PTGER4: variants seen among roughly 807,000 people sequenced by gnomAD.
PTGER4 encodes the protein prostaglandin E2 receptor EP4 subtype.
PTGER4 carries 11 observed loss-of-function variants against 33.2 expected under a neutral mutation model. That is an observed-to-expected ratio of 0.33 (90% confidence interval 0.21 to 0.55). PTGER4 has a LOEUF of 0.55. Among genes scored for constraint, PTGER4 ranks in the 20% least tolerant of loss-of-function variants. The pLI is 0.92. For missense variants in PTGER4, 481 were observed against 650.2 expected (o/e 0.74, Z 2.83); for synonymous variants, 275 against 281.5 (o/e 0.98, Z 0.23).
At chr5:40,710,917 G>A in the PTGER4 span, among the ~76,000 whole-genome samples, 1 of 152,038 alleles carries the variant, frequency 6.6e-6, no homozygotes, top group African/African-American at 2.4e-5. Flanking sequence ...TCACACACTG[G>A]GGCCTGTTGT....
chr5:40,745,150 A>G, the PTGER4 span, among the ~76,000 whole-genome samples: 5 of 152,234 alleles, frequency 3.3e-5, no homozygotes, highest in African/African-American at 1.2e-4. Context: ...CACTAAAGAG[A>G]CATAATAACC....
At chr5:40,687,138 C>G (rs764024563) in intron 2 of PTGER4, among the ~76,000 whole-genome samples, 1 of 152,102 alleles carries the variant, frequency 6.6e-6, no homozygotes, top group Non-Finnish European at 1.5e-5. Context: ...CTCCACCTCC[C>G]GGGTTCAAGT....
Position 40,692,292 on chromosome 5 carries a change from G to T in PTGER4, c.1381G>T (p.Gly461Cys). The T allele has an allele frequency of 5.6e-6, 9 of 1,613,606 alleles. No individual in the cohort carries two copies. The highest frequency in any genetic ancestry group is 7.6e-6 in the Non-Finnish European group (9 of 1,179,872). The part of the protein sequence containing the change: ...VLLVDEAGGS[G>C]RAGPAPKGSS... ...ACTGGTGGATGAGGCTGGTGGGAGC[G>T]GCAGGGCTGGGCCTGCCCCTAAGGG... Residue 461 changes from glycine to cysteine, a missense_variant, in exon 3 of 3, where the codon GGC becomes TGC. Gly to Cys is a radical substitution (Grantham distance 159). Coordinates refer to ENST00000302472, the MANE Select transcript of PTGER4 (RefSeq NM_000958.3).
the PTGER4 span, chr5:40,714,493 AT>A: frequency 6.6e-6 from 1 of 152,258 alleles, no homozygotes; most frequent in African/African-American, 2.4e-5. Flanking sequence ...AAAACTATTT[AT>A]TCACAAATTA....
In PTGER4 at chr5:40,679,952, G is replaced by C. The variant is rs1280175455; in HGVS notation, c.-570G>C. The C allele has an allele frequency of 1.3e-5, 2 of 152,644 alleles. No homozygotes were observed. Among genetic ancestry groups the C allele is most frequent in the Non-Finnish European group, 2.9e-5 (2 of 68,328 alleles). 9.5% of individuals were successfully genotyped at this position (152,644 alleles called of 1,614,324 possible). A position where few individuals can be genotyped will look rare whatever the true frequency, so the allele number is the denominator to read the frequency against. ...AAGGCGAGAGCGGAGCTCCAAGCCC[G>C]GCAGCCCGAGAGGAAGATGAACAGC... On this transcript the variant is annotated 5_prime_UTR_variant, in exon 1 of 3. Transcript: ENST00000302472.
the PTGER4 span, among the ~76,000 whole-genome samples, chr5:40,742,096 AAC>A: frequency 6.6e-6 from 1 of 152,126 alleles, no homozygotes; most frequent in African/African-American, 2.4e-5. Context: ...AATGGTTGAA[AAC>A]AGTTTTTTTT....
the PTGER4 span, among the ~76,000 whole-genome samples, chr5:40,699,780 C>T: frequency 6.6e-6 from 1 of 152,050 alleles, no homozygotes; most frequent in East Asian, 1.9e-4. Flanking sequence ...TAACAAAATT[C>T]AACACCCATT....
chr5:40,715,284 G>A, the PTGER4 span: 3 of 152,028 alleles, frequency 2.0e-5, no homozygotes, highest in Non-Finnish European at 2.9e-5. Context: ...TTGTTTCCAG[G>A]GTTTTTAAAG....
At chr5:40,705,369 A>G in the PTGER4 span, among the ~76,000 whole-genome samples, 7 of 152,170 alleles carry the variant, frequency 4.6e-5, no homozygotes, top group East Asian at 9.6e-4. Flanking sequence ...AACTATAAAT[A>G]CCCTGGAAGA....
intron 2 of PTGER4, among the ~76,000 whole-genome samples, chr5:40,688,157 C>T (rs955875586): frequency 6.6e-6 from 1 of 152,122 alleles, no homozygotes; most frequent in African/African-American, 2.4e-5. Context: ...GCCATGTTTC[C>T]TTTGAGGTTG....
the PTGER4 span, among the ~76,000 whole-genome samples, chr5:40,709,833 G>A: frequency 1.3e-5 from 2 of 152,242 alleles, no homozygotes; most frequent in Non-Finnish European, 2.9e-5. Flanking sequence ...TACCAAAACA[G>A]AGATACAGAC....
downstream of PTGER4, among the ~76,000 whole-genome samples, chr5:40,694,186 G>C (rs776360394): frequency 7.9e-5 from 12 of 152,112 alleles, no homozygotes; most frequent in Non-Finnish European, 1.5e-4. Flanking sequence ...GACTAGCTGA[G>C]ATTACAGGCG....
At chr5:40,733,767 C>T in the PTGER4 span, among the ~76,000 whole-genome samples, 1 of 152,142 alleles carries the variant, frequency 6.6e-6, no homozygotes, top group East Asian at 1.9e-4. Context: ...GTCCCCAACC[C>T]CACAAAGCTG....
chr5:40,682,152 G>A (rs1247523767), intron 2 of PTGER4, among the ~76,000 whole-genome samples: 3 of 150,542 alleles, frequency 2.0e-5, no homozygotes, highest in Admixed American at 6.7e-5. Context: ...GACACTGGCC[G>A]AGTCTTCCAA....
chr5:40,724,933 A>G, the PTGER4 span, among the ~76,000 whole-genome samples: 1 of 150,410 alleles, frequency 6.6e-6, no homozygotes, highest in Non-Finnish European at 1.5e-5. Flanking sequence ...GCTCACTGCA[A>G]CCTCCACCTG....
chr5:40,689,454 T>G (rs1741414419), intron 2 of PTGER4, among the ~76,000 whole-genome samples: 1 of 152,212 alleles, frequency 6.6e-6, no homozygotes, highest in African/African-American at 2.4e-5. Context: ...CAAAGAATCT[T>G]TAAAGGAAGA....
intron 2 of PTGER4, chr5:40,685,382 T>G: frequency 2.0e-6 from 2 of 985,344 alleles, no homozygotes; most frequent in Non-Finnish European, 2.4e-6. Flanking sequence ...TATGCTTTTG[T>G]TTACTGTAGG....
At chr5:40,726,391 G>C in the PTGER4 span, among the ~76,000 whole-genome samples, 1 of 151,392 alleles carries the variant, frequency 6.6e-6, no homozygotes, top group Non-Finnish European at 1.5e-5. Context: ...AGAATTGTTA[G>C]ATATTAGAAA....
At chr5:40,720,448 T>G in the PTGER4 span, among the ~76,000 whole-genome samples, 1 of 152,368 alleles carries the variant, frequency 6.6e-6, no homozygotes, top group African/African-American at 2.4e-5. Flanking sequence ...TGATTACTAA[T>G]GCTTTCATAT....
Sources: allele counts gnomAD v4.1 joint callset (sites outside exome capture counted in the v4.1 genomes callset), GRCh38; gene constraint gnomAD v4.1.1; transcripts MANE v1.5; gene names NCBI Gene and HGNC (gene_info 2026-07-23, HGNC 2026-07-21).